Variants in RBFOX1 observed in about 807,000 individuals in gnomAD.
RBFOX1 encodes the protein RNA binding protein fox-1 homolog 1.
Under a neutral mutation model 57.7 loss-of-function variants are expected in RBFOX1, and 8 were observed. That is an observed-to-expected ratio of 0.14 (90% CI 0.08 to 0.25). RBFOX1 has a LOEUF of 0.25. RBFOX1 is among the 10% of genes least tolerant of loss of function. The pLI, the probability that RBFOX1 is intolerant of heterozygous loss-of-function variation, is 1.00. For missense variants in RBFOX1, 611 were observed against 548.5 expected, an observed-to-expected ratio of 1.11 and a Z score of -1.14; for synonymous variants, 326 against 222.4, an observed-to-expected ratio of 1.47 and a Z score of -4.15.
intron 4 of RBFOX1, among the ~76,000 whole-genome samples, chr16:7,113,470 A>G (rs1020160564): frequency 1.3e-5 from 2 of 151,858 alleles, no homozygotes; most frequent in Non-Finnish European, 2.9e-5. Flanking sequence ...TTCCCTTTCG[A>G]TCTTGTTATG....
intron 3 of RBFOX1, among the ~76,000 whole-genome samples, chr16:6,764,820 C>G (rs888833100): frequency 4.6e-5 from 7 of 152,014 alleles, no homozygotes; most frequent in Non-Finnish European, 7.4e-5. Context: ...GCCTGTAATC[C>G]TAGCTACTCG....
At chr16:6,747,202 G>C (rs2073883826) in intron 3 of RBFOX1, among the ~76,000 whole-genome samples, 1 of 152,174 alleles carries the variant, frequency 6.6e-6, no homozygotes, top group South Asian at 2.1e-4. Flanking sequence ...AAGGTCAGGA[G>C]TTCGAGACCA....
chr16:7,361,236 C>G (rs2097313708), intron 4 of RBFOX1, among the ~76,000 whole-genome samples: 1 of 152,126 alleles, frequency 6.6e-6, no homozygotes, highest in South Asian at 2.1e-4. Flanking sequence ...CTCTGAAGGC[C>G]TGTTTGTGTC....
chr16:7,437,544 G>A (rs2098732935), intron 4 of RBFOX1, among the ~76,000 whole-genome samples: 1 of 152,108 alleles, frequency 6.6e-6, no homozygotes, highest in African/African-American at 2.4e-5. Context: ...ATCAACATGG[G>A]AACGGAAACT....
intron 1 of RBFOX1, among the ~76,000 whole-genome samples, chr16:5,346,353 C>A (rs1036739693): frequency 6.6e-6 from 1 of 152,110 alleles, no homozygotes. Context: ...AAATCATCAT[C>A]GTCATTACAT....
intron 3 of RBFOX1, among the ~76,000 whole-genome samples, chr16:6,987,000 G>C (rs1227985189): frequency 6.6e-6 from 1 of 152,056 alleles, no homozygotes; most frequent in Non-Finnish European, 1.5e-5. Flanking sequence ...AGGGTTTGTT[G>C]GTTAGTCCAT....
At chr16:6,228,127 A>G (rs1198235746) in intron 1 of RBFOX1, among the ~76,000 whole-genome samples, 1 of 152,238 alleles carries the variant, frequency 6.6e-6, no homozygotes, top group East Asian at 1.9e-4. Flanking sequence ...CCTGGCCAAC[A>G]TGGTGAAACC....
At position 7,072,698 on chromosome 16, in the gene RBFOX1, C is replaced by T. The variant is rs115992352; in HGVS notation, c.27+20600C>T. On this transcript the variant is annotated intron_variant, in intron 4 of 15. Transcript: ENST00000550418. ...ATGTTAGAATAACTTGTACCATAAA[C>T]AACTTTAATACTGGACAAAATATAT... Among the ~76,000 whole-genome samples, 1,118 of 152,296 alleles carry T rather than the reference C, an allele frequency of 7.3e-3. 13 individuals are homozygous for T. Among genetic ancestry groups the T allele is most frequent in the African/African-American group, 0.025 (1,052 of 41,548 alleles).
At chr16:6,472,321 G>A (rs1044780769) in intron 2 of RBFOX1, among the ~76,000 whole-genome samples, 1 of 152,174 alleles carries the variant, frequency 6.6e-6, no homozygotes, top group Non-Finnish European at 1.5e-5. Context: ...TACACGTGGT[G>A]GAGATGCTGG....
chr16:6,576,819 A>T (rs933328674), intron 2 of RBFOX1: 1 of 152,230 alleles, frequency 6.6e-6, no homozygotes, highest in African/African-American at 2.4e-5. Context: ...CAAAGATTTC[A>T]CAGCTGTTGG....
chr16:5,559,175 A>C (rs1825511213), intron 2 of RBFOX1, among the ~76,000 whole-genome samples: 1 of 151,206 alleles, frequency 6.6e-6, no homozygotes, highest in African/African-American at 2.4e-5. Context: ...CAAAAAAAAA[A>C]AAAAAAAAAA....
chr16:5,987,339 C>T (rs1163250944), intron 4 of RBFOX1, among the ~76,000 whole-genome samples: 2 of 152,102 alleles, frequency 1.3e-5, no homozygotes, highest in Non-Finnish European at 2.9e-5. Context: ...TAGCTTGTCT[C>T]CTCATCCTCT....
At chr16:6,439,669 G>A (rs1474276587) in intron 2 of RBFOX1, among the ~76,000 whole-genome samples, 1 of 152,054 alleles carries the variant, frequency 6.6e-6, no homozygotes, top group Non-Finnish European at 1.5e-5. Context: ...ACTTCTAGTT[G>A]CTAAGCAACC....
chr16:5,649,142 C>T (rs956532464), intron 3 of RBFOX1, among the ~76,000 whole-genome samples: 3 of 151,520 alleles, frequency 2.0e-5, no homozygotes, highest in African/African-American at 7.3e-5. Flanking sequence ...CATACATATA[C>T]ATATATATAC....
At chr16:6,094,129 T>C (rs1358184721) in intron 1 of RBFOX1, among the ~76,000 whole-genome samples, 2 of 152,160 alleles carry the variant, frequency 1.3e-5, no homozygotes, top group Non-Finnish European at 2.9e-5. Context: ...GTGAAATAGA[T>C]TTCCAGTTTT....
intron 3 of RBFOX1, among the ~76,000 whole-genome samples, chr16:7,014,391 AT>A (rs956243804): frequency 7.3e-5 from 11 of 150,718 alleles, no homozygotes; most frequent in Non-Finnish European, 1.2e-4. Flanking sequence ...TTTTATTTTT[AT>A]TTTTTTGTTT....
In RBFOX1 at chr16:7,422,059, A is replaced by T. The variant is rs144958964; in HGVS notation, c.28-96088A>T. On this transcript the variant is annotated intron_variant, in intron 4 of 15. Coordinates refer to ENST00000550418, the MANE Select transcript of RBFOX1 (RefSeq NM_018723.4). ...AGTCTCAGTTATTATGCTGTAGGAG[A>T]TGAAGCTGGGACTTAAATAGACAAA... Among the ~76,000 whole-genome samples, 701 of 152,282 alleles carry T rather than the reference A, an allele frequency of 4.6e-3. 3 individuals carry two copies. The highest frequency in any genetic ancestry group is 0.011 in the South Asian group (52 of 4,828).
intron 3 of RBFOX1, among the ~76,000 whole-genome samples, chr16:5,776,703 A>G (rs1056334096): frequency 5.3e-5 from 8 of 152,218 alleles, no homozygotes; most frequent in Admixed American, 3.9e-4. Flanking sequence ...CAGAGCTGGG[A>G]TTTCAACCCA....
chr16:7,559,691 G>T (rs1486785647), intron 5 of RBFOX1, among the ~76,000 whole-genome samples: 1 of 152,228 alleles, frequency 6.6e-6, no homozygotes, highest in Non-Finnish European at 1.5e-5. Flanking sequence ...TGTGTCTACT[G>T]TGTGCCCACA....
Sources: allele counts gnomAD v4.1 joint callset (sites outside exome capture counted in the v4.1 genomes callset), GRCh38; gene constraint gnomAD v4.1.1; transcripts MANE v1.5; gene names NCBI Gene and HGNC (gene_info 2026-07-23, HGNC 2026-07-21).